Variants in LMTK2 observed in about 807,000 individuals in gnomAD.
LMTK2 encodes serine/threonine-protein kinase LMTK2.
In LMTK2, 37 loss-of-function variants were observed where a neutral mutation model predicts 127.5. The ratio of observed to expected loss-of-function variants is 0.29; its 90% CI spans 0.22 to 0.38. The LOEUF (loss-of-function observed/expected upper bound fraction) is 0.38. Ranked by LOEUF, LMTK2 falls within the 10% of genes least tolerant of loss-of-function variation. The pLI is 1.00. For missense variants in LMTK2, 1,694 were observed against 1,920.3 expected, an observed-to-expected ratio of 0.88 and a Z score of 2.20; for synonymous variants, 819 against 810.1, an observed-to-expected ratio of 1.01 and a Z score of -0.19.
intron 1 of LMTK2, among the ~76,000 whole-genome samples, 171 bp downstream of exon 1, chr7:98,107,451 G>T (rs138233090): frequency 1.3e-5 from 2 of 151,858 alleles, no homozygotes. Flanking sequence ...TGGGATTTGG[G>T]GGGGCGGGAG....
intron 6 of LMTK2, among the ~76,000 whole-genome samples, chr7:98,165,072 G>A (rs1000021967): frequency 6.6e-6 from 1 of 152,224 alleles, no homozygotes; most frequent in Non-Finnish European, 1.5e-5. Flanking sequence ...TGACAGTAGT[G>A]CGTTGCTCTG....
rs56196840 is a variant in LMTK2 at position 98,193,010 on chromosome 7, G to T, written c.2545G>T (p.Val849Phe). ...CCAGCCCACGTGTTTAGATGTTATT[G>T]TCCCGGAGGACTGTCTCCACCAGGA... ...ETQPTCLDVIVPEDCLHQDIS... is the reference protein window; with the variant it reads ...ETQPTCLDVIFPEDCLHQDIS... Residue 849 changes from valine to phenylalanine, a missense_variant, in exon 11 of 14, where the codon GTC becomes TTC. Physicochemically the swap from Val to Phe is conservative, Grantham distance 50. Transcript: ENST00000297293. This position sits in a 1 kb window ranked among gnomAD's most constrained non-coding sequence, Gnocchi z 4.1. 5.4e-5 allele frequency: 87 copies of T among 1,614,054 alleles called. 1 individual carries two copies. The African/African-American group carries it at 9.3e-4, about 17-fold the overall frequency.
intron 1 of LMTK2, among the ~76,000 whole-genome samples, chr7:98,115,768 A>G (rs1201453551): frequency 2.0e-5 from 3 of 152,158 alleles, no homozygotes; most frequent in Non-Finnish European, 2.9e-5. Context: ...AGGCCTAGTG[A>G]CAGAGCAAGA....
chr7:98,184,238 G>A (rs1346732238), intron 7 of LMTK2, among the ~76,000 whole-genome samples: 1 of 152,132 alleles, frequency 6.6e-6, no homozygotes, highest in African/African-American at 2.4e-5. Flanking sequence ...CCCAGTGGGA[G>A]GTCGTATAAG....
rs202184931 is a variant in LMTK2 at position 98,151,336 on chromosome 7, A to G, written c.377-46A>G. 3.4e-3 allele frequency: 4,368 copies of G among 1,279,506 alleles called. 13 individuals are homozygous for G. Among genetic ancestry groups the G allele is most frequent in the Non-Finnish European group, 3.8e-3 (3,371 of 898,808 alleles). The allele number at this position is 1,279,506 out of a possible 1,614,324, so 79.3% of individuals were successfully genotyped here. A position where few individuals can be genotyped will look rare whatever the true frequency, so the allele number is the denominator to read the frequency against. On this transcript the variant is annotated intron_variant, in intron 3 of 13. Coordinates refer to ENST00000297293, the MANE Select transcript of LMTK2 (RefSeq NM_014916.4). ...TCATACTTTATAGGTTATATATTTAATATTTAGATACTTATATTTCATTTT... is the reference window on the plus strand; with the variant it reads ...TCATACTTTATAGGTTATATATTTAGTATTTAGATACTTATATTTCATTTT...
At chr7:98,198,317 A>G (rs962311841) in intron 11 of LMTK2, among the ~76,000 whole-genome samples, 1 of 150,710 alleles carries the variant, frequency 6.6e-6, no homozygotes, top group African/African-American at 2.4e-5. Context: ...CCACCTCCTC[A>G]ATAGCTGGGA....
intron 1 of LMTK2, among the ~76,000 whole-genome samples, chr7:98,109,720 G>A (rs557342379): frequency 1.2e-4 from 18 of 145,400 alleles, no homozygotes; most frequent in African/African-American, 4.3e-4. Context: ...TCATAGCCTG[G>A]GCAACAGAGT....
chr7:98,203,593 T>G lies in LMTK2; in HGVS notation c.4127T>G (p.Leu1376Arg), dbSNP rs1461697921. Residue 1376 changes from leucine (L) to arginine (R), a missense_variant, in exon 12 of 14, where the codon CTG becomes CGG. This residue lies in a region of LMTK2 where 554 missense variants were observed against 567.7 expected (regional missense o/e 0.98). Transcript: ENST00000297293. Reference protein sequence around the residue: ...LFDQETPTKELGPCGGEACGP... With the variant: ...LFDQETPTKERGPCGGEACGP... The stretch of plus-strand genomic sequence containing the variant: ...TTTCAGGAGACCCCAACCAAAGAGC[T>G]GGGGCCCTGTGGAGGAGAGGCGTGC... 6.3e-7 allele frequency: 1 copy of G among 1,598,172 alleles called. No homozygotes were observed.
At chr7:98,159,196 C>T in intron 5 of LMTK2, 142 bp from the exon 6 acceptor site, 2 of 494,408 alleles carry the variant, frequency 4.0e-6, no homozygotes, top group Non-Finnish European at 7.0e-6. Flanking sequence ...TCTTTTTAGC[C>T]TGTCATTTAT....
At chr7:98,133,475 T>G (rs1403523323) in intron 1 of LMTK2, among the ~76,000 whole-genome samples, 1 of 152,188 alleles carries the variant, frequency 6.6e-6, no homozygotes, top group African/African-American at 2.4e-5. Context: ...ATTTCCTCAT[T>G]TTATGGAAGT....
intron 6 of LMTK2, among the ~76,000 whole-genome samples, chr7:98,169,662 G>A (rs1797155607): frequency 6.6e-6 from 1 of 152,166 alleles, no homozygotes; most frequent in Non-Finnish European, 1.5e-5. Context: ...GCTACCTTAT[G>A]AAACTCCCAG....
In LMTK2 at chr7:98,191,824, C is replaced by T. The variant is rs1461859122; in HGVS notation, c.1359C>T (p.Asp453=). The T allele has an allele frequency of 2.5e-6, 4 of 1,614,172 alleles. No homozygotes were observed. Among genetic ancestry groups the T allele is most frequent in the South Asian group, 1.1e-5 (1 of 91,082 alleles). Residue 453 remains aspartate (D), a synonymous_variant, in exon 11 of 14, where the codon GAC becomes GAT. Transcript: ENST00000297293. ...CAATTCTCGACCACTTTGCCAGGGA[C>T]CGGCTGGGTCGTGAAATGGAGGAAG... ...AFPILDHFAR[D]RLGREMEEVL...
At chr7:98,172,374 G>A (rs943286315) in intron 7 of LMTK2, among the ~76,000 whole-genome samples, 28 of 147,804 alleles carry the variant, frequency 1.9e-4, no homozygotes, top group Admixed American at 2.7e-4. Context: ...GCACGTTCTC[G>A]GCTCACTGCA....
At chr7:98,191,551 C>T (rs1797524735) in intron 10 of LMTK2, 63 bp from the exon 11 acceptor site, 7 of 1,292,800 alleles carry the variant, frequency 5.4e-6, no homozygotes, top group South Asian at 2.9e-5. Context: ...GACTCCGTCT[C>T]GAACCAAAAA....
chr7:98,205,747 C>T lies in LMTK2; in HGVS notation c.*255C>T. Reference sequence around the variant, plus strand: ...GCACCCGCGGCCGCGGCCTCCCAGGCAGTGCTCATGCGCTGGCCGTCGGGG... The same window carrying T: ...GCACCCGCGGCCGCGGCCTCCCAGGTAGTGCTCATGCGCTGGCCGTCGGGG... On this transcript the variant is annotated 3_prime_UTR_variant, in exon 14 of 14. Transcript: ENST00000297293. 1.8e-6 allele frequency: 1 copy of T among 569,148 alleles called. No individual in the cohort carries two copies. 35.3% of individuals were successfully genotyped at this position (569,148 alleles called of 1,614,324 possible). A position where few individuals can be genotyped will look rare whatever the true frequency, so the allele number is the denominator to read the frequency against.
At chr7:98,176,024 C>A (rs536316310) in intron 7 of LMTK2, among the ~76,000 whole-genome samples, 1 of 152,174 alleles carries the variant, frequency 6.6e-6, no homozygotes, top group African/African-American at 2.4e-5. Context: ...AAATTATTGA[C>A]GATTCTCCTG....
chr7:98,198,834 C>G (rs1240830216), intron 11 of LMTK2, among the ~76,000 whole-genome samples: 2 of 152,190 alleles, frequency 1.3e-5, no homozygotes, highest in East Asian at 3.8e-4. Context: ...ACTACTTTAG[C>G]TGCACCCAGC....
In LMTK2 at chr7:98,191,726, G is replaced by T; in HGVS notation, c.1261G>T (p.Asp421Tyr). 6.2e-7 allele frequency: 1 copy of T among 1,614,146 alleles called. No homozygotes were observed. The highest frequency in any genetic ancestry group is 1.3e-5 in the African/African-American group (1 of 75,042). ...RLQSQRDSEV[D>Y]FEQQWNALKP... ...GCAGAGCCAGCGGGACTCAGAGGTC[G>T]ACTTTGAACAGCAGTGGAACGCTCT... is the stretch of plus-strand genomic sequence containing the variant. Residue 421 changes from aspartate to tyrosine, a missense_variant, in exon 11 of 14, where the codon GAC becomes TAC. Physicochemically the swap from Asp to Tyr is radical, Grantham distance 160. Around this residue, in one of 8 missense-constraint regions of LMTK2, gnomAD observed 216 missense variants for 266.8 expected, o/e 0.81. Coordinates refer to ENST00000297293, the MANE Select transcript of LMTK2 (RefSeq NM_014916.4).
intron 6 of LMTK2, among the ~76,000 whole-genome samples, chr7:98,169,185 G>A (rs1278162893): frequency 6.6e-6 from 1 of 152,138 alleles, no homozygotes; most frequent in African/African-American, 2.4e-5. Context: ...TCAACCATGA[G>A]AACCATGACC....
Sources: allele counts gnomAD v4.1 joint callset (sites outside exome capture counted in the v4.1 genomes callset), GRCh38; gene constraint gnomAD v4.1.1; regional missense constraint gnomAD v4.1.1; non-coding constraint Gnocchi (gnomAD v3.1); transcripts MANE v1.5; gene names NCBI Gene and HGNC (gene_info 2026-07-23, HGNC 2026-07-21).